CNTNAP5: variants seen among roughly 807,000 people sequenced by gnomAD.
CNTNAP5 encodes contactin associated protein family member 5, also known as contactin-associated protein-like 5.
CNTNAP5 carries 72 observed loss-of-function variants against 150.2 expected under a neutral mutation model. The ratio of observed to expected loss-of-function variants is 0.48; its 90% CI spans 0.40 to 0.58. The LOEUF is 0.58. CNTNAP5 is among the 20% of genes least tolerant of loss of function. CNTNAP5 has a pLI of 0.00. For missense variants in CNTNAP5, 1,636 were observed against 1,626.2 expected (o/e 1.01, Z -0.10); for synonymous variants, 672 against 619.8 (o/e 1.08, Z -1.25).
Position 124,630,089 on chromosome 2 carries a change from C to CA in CNTNAP5, c.1877-17659dup, listed in dbSNP as rs1016031372. Among the ~76,000 whole-genome samples the CA allele has an allele frequency of 5.9e-3, 861 of 145,340 alleles. 7 individuals are homozygous for CA. The highest frequency in any genetic ancestry group is 0.02 in the African/African-American group (800 of 39,666). On this transcript the variant is annotated intron_variant, in intron 12 of 23. Transcript: ENST00000682447. ...AGGCAGCAATAAATAGCCTACCAACCAAAAAAAAAAGAATCCCAAGTCCAG... is the reference window on the plus strand; with the variant it reads ...AGGCAGCAATAAATAGCCTACCAACCAAAAAAAAAAAGAATCCCAAGTCCAG...
intron 13 of CNTNAP5, among the ~76,000 whole-genome samples, chr2:124,664,837 C>A (rs937640529): frequency 6.6e-6 from 1 of 152,202 alleles, no homozygotes; most frequent in Admixed American, 6.5e-5. Context: ...CAGGCATGTG[C>A]CACCATGCCC....
At chr2:124,347,690 C>T (rs2104698768) in intron 3 of CNTNAP5, among the ~76,000 whole-genome samples, 1 of 152,274 alleles carries the variant, frequency 6.6e-6, no homozygotes, top group East Asian at 1.9e-4. Context: ...GCAGCTAATT[C>T]ACAACAAGCA....
intron 1 of CNTNAP5, among the ~76,000 whole-genome samples, chr2:124,138,098 G>A (rs940964116): frequency 1.3e-5 from 2 of 152,168 alleles, no homozygotes; most frequent in Admixed American, 6.5e-5. Flanking sequence ...TTACCGATGA[G>A]GAAGTGTGGG....
chr2:124,729,360 A>G (rs994229663), intron 13 of CNTNAP5, among the ~76,000 whole-genome samples: 3 of 152,134 alleles, frequency 2.0e-5, no homozygotes, highest in Non-Finnish European at 2.9e-5. Context: ...AGAAAATATT[A>G]ATAGAATAAT....
At chr2:124,579,180 T>C (rs1054387127) in intron 11 of CNTNAP5, among the ~76,000 whole-genome samples, 1 of 152,234 alleles carries the variant, frequency 6.6e-6, no homozygotes, top group African/African-American at 2.4e-5. Flanking sequence ...GTCTTCGCTC[T>C]TCTAGAATGG....
In CNTNAP5 at chr2:124,790,039, T is replaced by C. The variant is rs760829384; in HGVS notation, c.2890T>C (p.Tyr964His). The C allele has an allele frequency of 1.2e-6, 2 of 1,613,858 alleles. No homozygotes were observed. The highest frequency in any genetic ancestry group is 1.7e-6 in the Non-Finnish European group (2 of 1,179,848). The change falls in exon 18 of 24, where the codon TAC (tyrosine) becomes CAC (histidine). Residue 964 changes from tyrosine (Y) to histidine (H), a missense_variant. By Grantham distance (83) the Tyr-to-His change is moderately conservative (BLOSUM62 2). Transcript: ENST00000682447. ...RPGCPGHCSSYGSICHNGGKC... is the reference protein window; with the variant it reads ...RPGCPGHCSSHGSICHNGGKC... ...AGGCTGCCCCGGCCACTGCAGCAGC[T>C]ACGGCAGCATCTGCCACAACGGGGG...
chr2:124,838,271 G>A (rs976906559), intron 19 of CNTNAP5, among the ~76,000 whole-genome samples: 1 of 152,076 alleles, frequency 6.6e-6, no homozygotes, highest in Non-Finnish European at 1.5e-5. Flanking sequence ...TGCACATAGG[G>A]AGGTGAAACA....
chr2:124,764,134 A>T lies in CNTNAP5; in HGVS notation c.2520A>T (p.Arg840=). 6.2e-7 allele frequency: 1 copy of T among 1,612,064 alleles called. No individual in the cohort carries two copies. Among genetic ancestry groups the T allele is most frequent in the South Asian group, 1.1e-5 (1 of 90,994 alleles). ...ATCTTGGCATTAAAGACTTCATTCG[A>T]CTCGAAATAAGCTGTAAGTGCCCTC... The part of the protein sequence containing the change: ...LENLGIKDFI[R]LEISSPSEIT... Residue 840 remains arginine, a synonymous_variant, in exon 16 of 24, where the codon CGA becomes CGT. Coordinates refer to ENST00000682447, the MANE Select transcript of CNTNAP5 (RefSeq NM_001367498.1).
chr2:124,186,026 A>G (rs1251499563), intron 1 of CNTNAP5, among the ~76,000 whole-genome samples: 1 of 152,272 alleles, frequency 6.6e-6, no homozygotes, highest in Non-Finnish European at 1.5e-5. Context: ...TAGAGCAGCT[A>G]TTCTCATGGT....
intron 3 of CNTNAP5, among the ~76,000 whole-genome samples, chr2:124,402,486 C>G (rs1228987841): frequency 6.6e-6 from 1 of 152,170 alleles, no homozygotes; most frequent in African/African-American, 2.4e-5. Context: ...AGAGCCTATA[C>G]CCACACAACT....
chr2:124,892,659 T>C lies in CNTNAP5; in HGVS notation c.3437-10223T>C, dbSNP rs533054870. ...CCTACAGGTGAGTGCTATACTGTAA[T>C]TGTGGCATGCTTGCTTGAAGAGCTA... On this transcript the variant is annotated intron_variant, in intron 21 of 23. Coordinates refer to ENST00000682447, the MANE Select transcript of CNTNAP5 (RefSeq NM_001367498.1). Among the ~76,000 whole-genome samples the C allele has an allele frequency of 7.9e-5, 12 of 152,224 alleles. No individual in the cohort carries two copies. The South Asian group carries it at 1.5e-3, about 18-fold the overall frequency.
rs540345749 is a variant in CNTNAP5 at position 124,034,501 on chromosome 2, G to A, written c.82+8769G>A. ...GTAGAGTCTACCTTCACCTGGCAGA[G>A]AAATATCACCGTTCTGGATCCCTCA... On this transcript the variant is annotated intron_variant, in intron 1 of 23. Transcript: ENST00000682447. 3.3e-5 allele frequency among the ~76,000 whole-genome samples: 5 copies of A among 152,178 alleles called. No homozygotes were observed. In the South Asian group the frequency reaches 6.2e-4, roughly 19 times the overall value.
At chr2:124,435,801 ATCT>A (rs1692517291) in intron 5 of CNTNAP5, among the ~76,000 whole-genome samples, 1 of 152,160 alleles carries the variant, frequency 6.6e-6, no homozygotes, top group Admixed American at 6.6e-5. Context: ...ATTTCTGAGG[ATCT>A]TCTTGGAGCC....
chr2:124,516,596 T>C (rs576453036), intron 8 of CNTNAP5, among the ~76,000 whole-genome samples: 2 of 152,256 alleles, frequency 1.3e-5, no homozygotes, highest in Admixed American at 6.5e-5. Context: ...ATCTCCAGGG[T>C]TGGAAACAGT....
intron 13 of CNTNAP5, among the ~76,000 whole-genome samples, chr2:124,743,222 C>T (rs1243435491): frequency 6.6e-6 from 1 of 152,002 alleles, no homozygotes; most frequent in Non-Finnish European, 1.5e-5. Context: ...TTTAATAACC[C>T]CATTTGGTGG....
At chr2:124,899,443 A>G (rs1678372465) in intron 21 of CNTNAP5, among the ~76,000 whole-genome samples, 1 of 151,572 alleles carries the variant, frequency 6.6e-6, no homozygotes, top group South Asian at 2.1e-4. Flanking sequence ...AAGAGAATCA[A>G]GAACCTTATT....
intron 21 of CNTNAP5, among the ~76,000 whole-genome samples, chr2:124,899,745 A>G (rs973745052): frequency 3.3e-5 from 5 of 151,314 alleles, no homozygotes; most frequent in African/African-American, 9.8e-5. Context: ...TTCAACATCC[A>G]TTCTCTAACA....
chr2:124,503,752 G>T (rs2104862623), intron 7 of CNTNAP5, among the ~76,000 whole-genome samples: 1 of 152,196 alleles, frequency 6.6e-6, no homozygotes, highest in East Asian at 1.9e-4. Flanking sequence ...AGTTTCCCTG[G>T]AATTTCATAG....
chr2:124,615,846 T>C (rs933360421), intron 12 of CNTNAP5, among the ~76,000 whole-genome samples: 4 of 152,222 alleles, frequency 2.6e-5, no homozygotes, highest in Non-Finnish European at 4.4e-5. Context: ...GTAAATGTGA[T>C]AGCAGGCAGG....
Sources: allele counts gnomAD v4.1 joint callset (sites outside exome capture counted in the v4.1 genomes callset), GRCh38; gene constraint gnomAD v4.1.1; transcripts MANE v1.5; gene names NCBI Gene and HGNC (gene_info 2026-07-23, HGNC 2026-07-21).